The following EED variants were observed in gnomAD, a reference collection of about 807,000 sequenced individuals.
EED encodes the protein polycomb protein EED.
Under a neutral mutation model 61.0 loss-of-function variants are expected in EED, and 9 were observed. That is an observed-to-expected ratio of 0.15 (90% CI 0.09 to 0.26). The LOEUF (loss-of-function observed/expected upper bound fraction) is 0.26. Among genes scored for constraint, EED ranks in the 10% least tolerant of loss-of-function variants. The probability of loss-of-function intolerance (pLI) is 1.00; values close to 1 mark genes in which losing one functional copy is unlikely to be tolerated. For synonymous variants in EED, 187 were observed against 174.4 expected, an observed-to-expected ratio of 1.07 and a Z score of -0.57; for missense variants, 315 against 542.3, an observed-to-expected ratio of 0.58 and a Z score of 4.16.
chr11:86,256,974 C>A (rs549678912), intron 5 of EED, among the ~76,000 whole-genome samples: 1 of 152,244 alleles, frequency 6.6e-6, no homozygotes, highest in Admixed American at 6.5e-5. Flanking sequence ...ATGCTTAAAA[C>A]CCTACGCATA....
At chr11:86,273,735 G>A (rs145661655) in intron 9 of EED, among the ~76,000 whole-genome samples, 1 of 152,046 alleles carries the variant, frequency 6.6e-6, no homozygotes, top group Non-Finnish European at 1.5e-5. Context: ...TCCCTCTTTG[G>A]CCTCCATAAT....
intron 3 of EED, among the ~76,000 whole-genome samples, chr11:86,253,941 G>A (rs1362811265): frequency 6.6e-6 from 1 of 150,532 alleles, no homozygotes; most frequent in Non-Finnish European, 1.5e-5. Flanking sequence ...TCAGCTACAC[G>A]GGAGGCTGAG....
the EED span, among the ~76,000 whole-genome samples, chr11:86,287,436 TC>T: frequency 3.9e-5 from 6 of 152,240 alleles, no homozygotes; most frequent in African/African-American, 7.2e-5. Flanking sequence ...ATGGTTATTT[TC>T]TGATGTAGAG....
chr11:86,275,764 A>G (rs919760091), intron 9 of EED, among the ~76,000 whole-genome samples: 4 of 152,176 alleles, frequency 2.6e-5, no homozygotes, highest in African/African-American at 9.7e-5. Flanking sequence ...TCCACAGACT[A>G]TTGATCCAAT....
chr11:86,271,845 C>T (rs979719333), intron 9 of EED, among the ~76,000 whole-genome samples: 13 of 150,994 alleles, frequency 8.6e-5, no homozygotes, highest in Non-Finnish European at 1.9e-4. Context: ...CCTACTTGAT[C>T]ATCCTGTGTA....
chr11:86,257,685 A>G (rs1945713397), intron 6 of EED, 89 bp downstream of exon 6: 12 of 1,067,254 alleles, frequency 1.1e-5, no homozygotes, highest in Admixed American at 2.7e-5. Context: ...ACAAATAGGA[A>G]AAACCATGAG....
chr11:86,268,462 T>A lies in EED; in HGVS notation c.867T>A (p.Phe289Leu), dbSNP rs1946035922. 6.3e-7 allele frequency: 1 copy of A among 1,589,398 alleles called. No homozygotes were observed. Among genetic ancestry groups the A allele is most frequent in the Non-Finnish European group, 8.6e-7 (1 of 1,163,426 alleles). Residue 289 changes from phenylalanine (F) to leucine (L), a missense_variant, in exon 9 of 12, where the codon TTT (phenylalanine) becomes TTA (leucine). Transcript: ENST00000263360. ...DYNPNKTNRPFISQKIHFPDF... is the reference protein window; with the variant it reads ...DYNPNKTNRPLISQKIHFPDF... ...ATTTCCATTCTTCCTTCAGGCCATT[T>A]ATTTCTCAGAAAATCCATTTTCCTG... is the stretch of plus-strand genomic sequence containing the variant.
chr11:86,275,786 C>T (rs1244060441), intron 9 of EED, among the ~76,000 whole-genome samples: 1 of 152,116 alleles, frequency 6.6e-6, no homozygotes, highest in Non-Finnish European at 1.5e-5. Flanking sequence ...TTGCATTTAG[C>T]CAAGAGTCAT....
chr11:86,273,455 A>G (rs892038575), intron 9 of EED, among the ~76,000 whole-genome samples: 2 of 152,142 alleles, frequency 1.3e-5, no homozygotes, highest in African/African-American at 4.8e-5. Context: ...AAAACCCAAA[A>G]GGAAAAGGAG....
At chr11:86,262,123 C>G (rs1246786121) in intron 6 of EED, among the ~76,000 whole-genome samples, 1 of 152,154 alleles carries the variant, frequency 6.6e-6, no homozygotes, top group Non-Finnish European at 1.5e-5. Context: ...CTCAAATGAT[C>G]CTTCCACCTC....
chr11:86,278,093 C>A, intron 11 of EED, 102 bp downstream of exon 11: 2 of 1,375,036 alleles, frequency 1.5e-6, no homozygotes, highest in Non-Finnish European at 1.9e-6. Context: ...ATCCTTAAGT[C>A]ATTTTTAACA....
chr11:86,283,133 T>C (rs957451922), downstream of EED, among the ~76,000 whole-genome samples: 4 of 152,146 alleles, frequency 2.6e-5, no homozygotes, highest in African/African-American at 9.7e-5. Flanking sequence ...ATACTAGTTA[T>C]TAAAGCAAAA....
Position 86,245,040 on chromosome 11 carries a change from T to G in EED, c.-190T>G. 2.0e-6 allele frequency: 1 copy of G among 493,674 alleles called. No homozygotes were observed. Among genetic ancestry groups the G allele is most frequent in the Non-Finnish European group, 3.6e-6 (1 of 276,514 alleles). 30.6% of individuals were successfully genotyped at this position (493,674 alleles called of 1,614,324 possible). A position where few individuals can be genotyped will look rare whatever the true frequency, so the allele number is the denominator to read the frequency against. Reference sequence around the variant, plus strand: ...GGGAGGGCGCGCGCGCGCGCCCCTTTTTCAGCAGTGTGGCGGGGTCGCACG... The same window carrying G: ...GGGAGGGCGCGCGCGCGCGCCCCTTGTTCAGCAGTGTGGCGGGGTCGCACG... On this transcript the variant is annotated 5_prime_UTR_variant, in exon 1 of 12. Coordinates refer to ENST00000263360, the MANE Select transcript of EED (RefSeq NM_003797.5).
intron 6 of EED, among the ~76,000 whole-genome samples, chr11:86,258,799 G>A (rs1052958664): frequency 3.3e-5 from 5 of 151,180 alleles, no homozygotes; most frequent in Non-Finnish European, 7.4e-5. Context: ...CAGTTGATCC[G>A]CCTGTCTCAG....
chr11:86,245,073 G>A lies in EED; in HGVS notation c.-157G>A, dbSNP rs1362025654. ...GTGTGGCGGGGTCGCACGCACGCCC[G>A]CCTCGGCGGCTGGGCGCGATTTGCG... On this transcript the variant is annotated 5_prime_UTR_variant, in exon 1 of 12. Transcript: ENST00000263360. 7.1e-6 allele frequency: 4 copies of A among 565,492 alleles called. No homozygotes were observed. Among genetic ancestry groups the A allele is most frequent in the African/African-American group, 4.1e-5 (2 of 49,260 alleles). The allele number at this position is 565,492 out of a possible 1,614,324, so 35.0% of individuals were successfully genotyped here.
intron 9 of EED, 147 bp downstream of exon 9, chr11:86,268,708 T>C (rs558455303): frequency 6.4e-6 from 3 of 469,860 alleles, no homozygotes; most frequent in East Asian, 3.4e-5. Context: ...AGTTGCCTTT[T>C]TTAAAGTCTC....
chr11:86,250,976 A>G (rs1945517734), intron 2 of EED, among the ~76,000 whole-genome samples: 2 of 152,128 alleles, frequency 1.3e-5, no homozygotes, highest in Admixed American at 6.5e-5. Context: ...TATTTAAATT[A>G]ATCTGTCCCC....
At chr11:86,256,286 T>C (rs768291165) in intron 4 of EED, 101 bp from the exon 5 acceptor site, 59 of 1,154,024 alleles carry the variant, frequency 5.1e-5, no homozygotes, top group African/African-American at 1.4e-4. Flanking sequence ...TTGAGAACTT[T>C]GGTGTCAAAA....
chr11:86,284,487 C>T, the EED span: 1 of 152,232 alleles, frequency 6.6e-6, no homozygotes, highest in East Asian at 1.9e-4. Context: ...GCTGACCTGC[C>T]CTCCAACTCA....
Sources: gnomAD v4.1 joint callset for allele counts (sites outside exome capture counted in the v4.1 genomes callset) on GRCh38, gnomAD v4.1.1 for gene constraint, MANE v1.5 for transcripts, NCBI Gene and HGNC (gene_info 2026-07-23, HGNC 2026-07-21) for gene names.